Variants in ZSCAN5A observed in about 807,000 individuals in gnomAD.
ZSCAN5A encodes zinc finger and SCAN domain-containing protein 5A.
Under a neutral mutation model 23.7 loss-of-function variants are expected in ZSCAN5A, and 12 were observed. The observed-to-expected ratio is 0.51, with a 90% CI of 0.32 to 0.82. The LOEUF (loss-of-function observed/expected upper bound fraction) is 0.82. ZSCAN5A is among the 40% of genes least tolerant of loss of function. ZSCAN5A has a pLI of 0.03. For missense variants in ZSCAN5A, 597 were observed against 617.9 expected, an observed-to-expected ratio of 0.97 and a Z score of 0.36; for synonymous variants, 257 against 239.9, an observed-to-expected ratio of 1.07 and a Z score of -0.66.
chr19:56,331,031 C>G (rs924251833), intron 2 of ZSCAN5A, among the ~76,000 whole-genome samples: 2 of 152,142 alleles, frequency 1.3e-5, no homozygotes, highest in South Asian at 4.1e-4. Context: ...TATGCCTAGC[C>G]AGCAATCTCA....
At chr19:56,289,812 C>T (rs568998564) in intron 2 of ZSCAN5A, among the ~76,000 whole-genome samples, 1 of 152,228 alleles carries the variant, frequency 6.6e-6, no homozygotes, top group Non-Finnish European at 1.5e-5. Context: ...CAGGGTCTCA[C>T]CATGTTGCTC....
intron 2 of ZSCAN5A, among the ~76,000 whole-genome samples, chr19:56,279,246 T>A (rs974752412): frequency 6.6e-5 from 10 of 152,182 alleles, no homozygotes; most frequent in African/African-American, 1.9e-4. Context: ...CTTCGAGAAT[T>A]TCTGCTCCAA....
intron 2 of ZSCAN5A, among the ~76,000 whole-genome samples, chr19:56,297,045 G>C (rs2039920390): frequency 6.6e-6 from 1 of 151,088 alleles, no homozygotes; most frequent in Non-Finnish European, 1.5e-5. Flanking sequence ...CTCCAGCCTG[G>C]GTGACAAGAG....
intron 4 of ZSCAN5A, among the ~76,000 whole-genome samples, chr19:56,223,171 A>T (rs1273202823): frequency 2.6e-5 from 4 of 151,512 alleles, no homozygotes; most frequent in Non-Finnish European, 4.4e-5. Flanking sequence ...TGCTATTAAC[A>T]CCCCACCATC....
chr19:56,332,557 G>A (rs558300695), intron 2 of ZSCAN5A, among the ~76,000 whole-genome samples: 1 of 152,284 alleles, frequency 6.6e-6, no homozygotes, highest in African/African-American at 2.4e-5. Context: ...TGTCACATGT[G>A]AGATGGATCT....
chr19:56,360,454 T>C (rs2041727492), intron 2 of ZSCAN5A, among the ~76,000 whole-genome samples: 1 of 152,190 alleles, frequency 6.6e-6, no homozygotes, highest in Admixed American at 6.6e-5. Context: ...AAACATTCCA[T>C]GCTCATGGAC....
At chr19:56,231,274 CAT>C (rs2034439806) in intron 2 of ZSCAN5A, among the ~76,000 whole-genome samples, 1 of 152,138 alleles carries the variant, frequency 6.6e-6, no homozygotes, top group East Asian at 1.9e-4. Context: ...GCAAGTCACT[CAT>C]ATGTCAAATT....
At chr19:56,333,444 C>G (rs2147439510) in intron 2 of ZSCAN5A, among the ~76,000 whole-genome samples, 1 of 151,640 alleles carries the variant, frequency 6.6e-6, no homozygotes, top group Middle Eastern at 3.4e-3. Flanking sequence ...ATTGATAAAG[C>G]TTTTAATTGT....
At chr19:56,238,206 G>A (rs756527835) in intron 2 of ZSCAN5A, among the ~76,000 whole-genome samples, 2 of 151,918 alleles carry the variant, frequency 1.3e-5, no homozygotes, top group Non-Finnish European at 2.9e-5. Flanking sequence ...GCCAGGGGTT[G>A]TGGCATATGC....
chr19:56,268,825 T>C (rs1310480159), intron 2 of ZSCAN5A, among the ~76,000 whole-genome samples: 2 of 152,174 alleles, frequency 1.3e-5, no homozygotes, highest in Non-Finnish European at 2.9e-5. Flanking sequence ...CTATCTACTT[T>C]CTGTCTCTAA....
chr19:56,245,281 T>C, intron 2 of ZSCAN5A: 2 of 719,574 alleles, frequency 2.8e-6, no homozygotes, highest in Non-Finnish European at 5.1e-6. Context: ...TCGAGATGGC[T>C]GAAATCCCTG....
At chr19:56,223,877 G>A in intron 3 of ZSCAN5A, 43 bp from the exon 4 acceptor site, 1 of 1,544,970 alleles carries the variant, frequency 6.5e-7, no homozygotes, top group Non-Finnish European at 8.8e-7. Context: ...ATGAGAACCT[G>A]AAAGTAGCTC....
chr19:56,223,927 T>C, intron 3 of ZSCAN5A, 93 bp from the exon 4 acceptor site: 11 of 1,120,720 alleles, frequency 9.8e-6, no homozygotes, highest in Middle Eastern at 5.7e-4. Context: ...CACACTTTAC[T>C]GTAATTAATG....
At chr19:56,232,589 G>C (rs2034560569) in intron 2 of ZSCAN5A, among the ~76,000 whole-genome samples, 1 of 152,126 alleles carries the variant, frequency 6.6e-6, no homozygotes, top group Admixed American at 6.5e-5. Flanking sequence ...TCATGGGCAA[G>C]CCACAGCCAT....
intron 1 of ZSCAN5A, among the ~76,000 whole-genome samples, chr19:56,313,799 G>A (rs574419957): frequency 1.3e-5 from 2 of 152,192 alleles, no homozygotes; most frequent in African/African-American, 4.8e-5. Context: ...TAAATTTGAT[G>A]TAAAATGAAG....
intron 2 of ZSCAN5A, among the ~76,000 whole-genome samples, chr19:56,275,903 C>T (rs966291458): frequency 6.6e-6 from 1 of 152,148 alleles, no homozygotes; most frequent in Non-Finnish European, 1.5e-5. Flanking sequence ...ATGGACTTAT[C>T]GATGGATGGA....
At chr19:56,264,936 A>G (rs1255302251) in intron 2 of ZSCAN5A, among the ~76,000 whole-genome samples, 1 of 152,150 alleles carries the variant, frequency 6.6e-6, no homozygotes, top group Admixed American at 6.5e-5. Flanking sequence ...AGCCTGGCAG[A>G]CATGGTGAAA....
At chr19:56,231,460 A>G (rs1197211386) in intron 2 of ZSCAN5A, among the ~76,000 whole-genome samples, 3 of 152,164 alleles carry the variant, frequency 2.0e-5, no homozygotes, top group Non-Finnish European at 4.4e-5. Flanking sequence ...CCCTCATGGG[A>G]ATGTGGAGTT....
intron 2 of ZSCAN5A, among the ~76,000 whole-genome samples, chr19:56,225,636 A>G (rs148920335): frequency 0.013 from 2,006 of 152,354 alleles, 39 homozygotes; most frequent in African/African-American, 0.045. Flanking sequence ...GGGAAGGGAC[A>G]GCATTAAAGG....
Sources: allele counts gnomAD v4.1 joint callset (sites outside exome capture counted in the v4.1 genomes callset), GRCh38; gene constraint gnomAD v4.1.1; transcripts MANE v1.5; gene names NCBI Gene and HGNC (gene_info 2026-07-23, HGNC 2026-07-21).